Variants in ST3GAL3 observed in about 807,000 individuals in gnomAD.
The protein encoded by ST3GAL3 is ST3 beta-galactoside alpha-2,3-sialyltransferase 3.
ST3GAL3 carries 21 observed loss-of-function variants against 50.1 expected under a neutral mutation model. The ratio of observed to expected loss-of-function variants is 0.42; its 90% CI spans 0.30 to 0.60. ST3GAL3 has a LOEUF of 0.60. Among genes scored for constraint, ST3GAL3 ranks in the 20% least tolerant of loss-of-function variants. The pLI is 0.19. For synonymous variants in ST3GAL3, 183 were observed against 190.0 expected (o/e 0.96, Z 0.30); for missense variants, 353 against 489.4 (o/e 0.72, Z 2.63).
chr1:43,922,553 C>T (rs1383715453), intron 11 of ST3GAL3: 1 of 152,100 alleles, frequency 6.6e-6, no homozygotes, highest in Non-Finnish European at 1.5e-5. Context: ...GTAATCCCCG[C>T]ACTTTGGGAG....
At chr1:43,815,449 C>T (rs2061114218) in intron 4 of ST3GAL3, among the ~76,000 whole-genome samples, 1 of 152,166 alleles carries the variant, frequency 6.6e-6, no homozygotes, top group Non-Finnish European at 1.5e-5. Flanking sequence ...ACTTGGAAAA[C>T]TAAAAAAACT....
chr1:43,844,627 C>T (rs1236291103), intron 5 of ST3GAL3, among the ~76,000 whole-genome samples: 5 of 151,990 alleles, frequency 3.3e-5, no homozygotes, highest in East Asian at 1.9e-4. Flanking sequence ...CTGGCTAACA[C>T]GGTGAAACCC....
intron 3 of ST3GAL3, among the ~76,000 whole-genome samples, chr1:43,810,018 GAA>G (rs2060365392): frequency 6.9e-6 from 1 of 144,744 alleles, no homozygotes; most frequent in Admixed American, 6.9e-5. Flanking sequence ...AAGAAAGAAA[GAA>G]AAAAGAAAAG....
At chr1:43,851,664 G>T in intron 5 of ST3GAL3, 4 of 1,323,626 alleles carry the variant, frequency 3.0e-6, no homozygotes, top group Non-Finnish European at 4.4e-6. Context: ...TTGAGGGGCT[G>T]CGCCAGCATC....
In ST3GAL3 at chr1:43,930,263, G is replaced by A. The variant is rs1394280470; in HGVS notation, c.*42G>A. 4 of 1,584,730 alleles carry A rather than the reference G, an allele frequency of 2.5e-6. No homozygotes were observed. The South Asian group carries it at 3.3e-5, about 13-fold the overall frequency. ...GCCATAGAGGCCCAGGCACCACCAG[G>A]AGCAGCAGCCAGCACCACCTACACA... is the stretch of plus-strand genomic sequence containing the variant. On this transcript the variant is annotated 3_prime_UTR_variant, in exon 12 of 12. Coordinates refer to ENST00000347631, the MANE Select transcript of ST3GAL3 (RefSeq NM_006279.5).
intron 1 of ST3GAL3, among the ~76,000 whole-genome samples, chr1:43,728,816 G>A (rs562688803): frequency 6.6e-6 from 1 of 152,156 alleles, no homozygotes; most frequent in Admixed American, 6.5e-5. Flanking sequence ...TTATGTCTTT[G>A]TATATATAAC....
intron 5 of ST3GAL3, among the ~76,000 whole-genome samples, chr1:43,846,698 C>T (rs1027409460): frequency 2.0e-5 from 3 of 152,138 alleles, no homozygotes; most frequent in African/African-American, 7.2e-5. Flanking sequence ...AAGACTTTGC[C>T]ATGTTGCCTA....
intron 3 of ST3GAL3, among the ~76,000 whole-genome samples, chr1:43,814,182 A>G (rs1301321234): frequency 6.6e-6 from 1 of 152,124 alleles, no homozygotes; most frequent in Non-Finnish European, 1.5e-5. Context: ...GAGCCCTAAG[A>G]TATTCACTTT....
At position 43,838,225 on chromosome 1, in the gene ST3GAL3, T is replaced by C; in HGVS notation, c.216T>C (p.Ala72=). 1 of 1,611,968 alleles carries C rather than the reference T, an allele frequency of 6.2e-7. No homozygotes were observed. The highest frequency in any genetic ancestry group is 8.5e-7 in the Non-Finnish European group (1 of 1,178,684). ...TTTCCTTCTCTTCCCATAGGCCTGC[T>C]GAATTAGCCACCAAGTACGCAAACT... ...FLLNLDSKLP[A]ELATKYANFS... The change falls in exon 5 of 12, where the codon GCT becomes GCC. Residue 72 remains alanine, a synonymous_variant. Transcript: ENST00000347631.
rs556744225 is a variant in ST3GAL3 at position 43,795,049 on chromosome 1, A to G, written c.166+2900A>G. ...ACCTGAAGGGGTTTTATAGGTGTCC[A>G]TTTTACAGTAACTCACTAGCTGTGC... On this transcript the variant is annotated intron_variant, in intron 3 of 11. Transcript: ENST00000347631. 7.9e-5 allele frequency among the ~76,000 whole-genome samples: 12 copies of G among 152,316 alleles called. No homozygotes were observed. The East Asian group carries it at 2.3e-3, about 29-fold the overall frequency.
At chr1:43,792,748 C>G (rs143630817) in intron 3 of ST3GAL3, among the ~76,000 whole-genome samples, 2 of 152,326 alleles carry the variant, frequency 1.3e-5, no homozygotes, top group East Asian at 3.9e-4. Flanking sequence ...CAAATTCACC[C>G]AGACCCAGTG....
Position 43,922,184 on chromosome 1 carries a change from G to T in ST3GAL3, c.1038+1256G>T, listed in dbSNP as rs372936935. ...AGTTTGAGAGCAGCCTGGGCAACAT[G>T]GTGAAACCCCATCTCTACTAAAAAT... On this transcript the variant is annotated intron_variant, in intron 11 of 11. Coordinates refer to ENST00000347631, the MANE Select transcript of ST3GAL3 (RefSeq NM_006279.5). The T allele has an allele frequency of 1.1e-3, 176 of 154,150 alleles. 1 individual carries two copies. Among genetic ancestry groups the T allele is most frequent in the African/African-American group, 4.1e-3 (169 of 41,592 alleles). The allele number at this position is 154,150 out of a possible 1,614,324, so 9.5% of individuals were successfully genotyped here.
chr1:43,765,776 TGTGTGTGTGC>T (rs1301105733), intron 2 of ST3GAL3, among the ~76,000 whole-genome samples: 62 of 135,272 alleles, frequency 4.6e-4, no homozygotes, highest in African/African-American at 1.4e-3. Context: ...TGTGTGTGTG[TGTGTGTGTGC>T]GCGCGCGCGC....
At chr1:43,751,731 CT>C (rs1277467105) in intron 2 of ST3GAL3, among the ~76,000 whole-genome samples, 1 of 152,104 alleles carries the variant, frequency 6.6e-6, no homozygotes, top group African/African-American at 2.4e-5. Context: ...TGTGTCAGGT[CT>C]TTGGGATAGA....
At chr1:43,791,712 A>G (rs1324202922) in intron 2 of ST3GAL3, among the ~76,000 whole-genome samples, 1 of 152,250 alleles carries the variant, frequency 6.6e-6, no homozygotes, top group East Asian at 1.9e-4. Context: ...TATAAGTAGA[A>G]GAAAGGGCAA....
At chr1:43,792,546 A>T (rs1236144009) in intron 3 of ST3GAL3, among the ~76,000 whole-genome samples, 1 of 152,152 alleles carries the variant, frequency 6.6e-6, no homozygotes, top group Non-Finnish European at 1.5e-5. Context: ...GGCTGGTGGG[A>T]GCATCCCAGT....
intron 2 of ST3GAL3, among the ~76,000 whole-genome samples, chr1:43,743,913 A>G (rs1320989088): frequency 4.3e-4 from 63 of 145,550 alleles, no homozygotes; most frequent in Non-Finnish European, 1.7e-4. Context: ...TGTACTTTTA[A>G]GAAAACAAAA....
intron 4 of ST3GAL3, among the ~76,000 whole-genome samples, chr1:43,821,582 C>A (rs887651080): frequency 6.6e-6 from 1 of 152,130 alleles, no homozygotes; most frequent in African/African-American, 2.4e-5. Context: ...GATAAGAAAA[C>A]TGAGAAGAAT....
chr1:43,842,058 AGGCAT>A (rs2065467548), intron 5 of ST3GAL3: 1 of 152,232 alleles, frequency 6.6e-6, no homozygotes, highest in Non-Finnish European at 1.5e-5. Flanking sequence ...CTGTTTGCTA[AGGCAT>A]AACATGTTAT....
Sources: allele counts gnomAD v4.1 joint callset (sites outside exome capture counted in the v4.1 genomes callset), GRCh38; gene constraint gnomAD v4.1.1; transcripts MANE v1.5; gene names NCBI Gene and HGNC (gene_info 2026-07-23, HGNC 2026-07-21).